PKP4: variants seen among roughly 807,000 people sequenced by gnomAD.
PKP4 encodes plakophilin-4.
Under a neutral mutation model 145.1 loss-of-function variants are expected in PKP4, and 90 were observed. That is an observed-to-expected ratio of 0.62 (90% CI 0.52 to 0.74). The LOEUF (loss-of-function observed/expected upper bound fraction) is 0.74. PKP4 is among the 30% of genes least tolerant of loss of function. PKP4 has a pLI of 0.00. For missense variants in PKP4, 1,340 were observed against 1,482.7 expected (o/e 0.90, Z 1.58); for synonymous variants, 563 against 577.2 (o/e 0.98, Z 0.35).
chr2:158,601,324 C>G (rs905616085), intron 3 of PKP4, among the ~76,000 whole-genome samples: 2 of 151,882 alleles, frequency 1.3e-5, no homozygotes, highest in Non-Finnish European at 2.9e-5. Flanking sequence ...TAAACATTTC[C>G]GGATGGCAGT....
chr2:158,528,669 G>GAA (rs59566011), intron 1 of PKP4, among the ~76,000 whole-genome samples: 27,006 of 85,668 alleles, frequency 0.32, 5,380 homozygotes, highest in East Asian at 0.63. Flanking sequence ...CTTACTAAAT[G>GAA]AAAAAAAAAA....
intron 20 of PKP4, among the ~76,000 whole-genome samples, 171 bp from the exon 21 acceptor site, chr2:158,678,410 G>A (rs2058201958): frequency 6.7e-6 from 1 of 149,508 alleles, no homozygotes; most frequent in Non-Finnish European, 1.5e-5. Context: ...GTAAGCAGCA[G>A]CCAGGCCAGA....
intron 1 of PKP4, among the ~76,000 whole-genome samples, chr2:158,482,068 A>G (rs941252400): frequency 6.6e-6 from 1 of 152,228 alleles, no homozygotes; most frequent in Non-Finnish European, 1.5e-5. Context: ...GCTGTCTAAA[A>G]TATATCCACT....
chr2:158,506,192 G>C (rs1574159624), intron 1 of PKP4, among the ~76,000 whole-genome samples: 1 of 152,162 alleles, frequency 6.6e-6, no homozygotes, highest in Non-Finnish European at 1.5e-5. Flanking sequence ...CCCTGGCTTT[G>C]AGCCTCCAGT....
At chr2:158,520,918 C>G (rs76754455) in intron 1 of PKP4, among the ~76,000 whole-genome samples, 5,695 of 152,284 alleles carry the variant, frequency 0.037, 241 homozygotes, top group African/African-American at 0.11. Context: ...AGCTTTGGTT[C>G]ATTCATTTAT....
intron 1 of PKP4, among the ~76,000 whole-genome samples, chr2:158,488,203 A>G (rs1694449075): frequency 6.6e-6 from 1 of 152,228 alleles, no homozygotes; most frequent in Admixed American, 6.5e-5. Context: ...ATTGGAGGCA[A>G]GGGGTGAAAG....
chr2:158,530,849 A>G (rs973404811), intron 1 of PKP4, among the ~76,000 whole-genome samples: 1 of 152,154 alleles, frequency 6.6e-6, no homozygotes, highest in African/African-American at 2.4e-5. Flanking sequence ...AATAGATATC[A>G]TCCATGTCTA....
intron 13 of PKP4, 37 bp from the exon 14 acceptor site, chr2:158,662,860 C>G (rs774663464): frequency 1.3e-6 from 2 of 1,548,472 alleles, no homozygotes; most frequent in Non-Finnish European, 1.7e-6. Context: ...TCTAATGTGC[C>G]GAGTTGTTTT....
At chr2:158,606,044 G>A (rs2050625921) in intron 4 of PKP4, among the ~76,000 whole-genome samples, 1 of 152,038 alleles carries the variant, frequency 6.6e-6, no homozygotes, top group Non-Finnish European at 1.5e-5. Context: ...TACTACTTTT[G>A]TCTGTTATGA....
chr2:158,568,104 G>A (rs905753184), intron 2 of PKP4, among the ~76,000 whole-genome samples: 2 of 152,154 alleles, frequency 1.3e-5, no homozygotes, highest in Non-Finnish European at 2.9e-5. Flanking sequence ...GGAGGCCGAG[G>A]CAGCAGATCA....
At chr2:158,501,807 A>G (rs944378929) in intron 1 of PKP4, among the ~76,000 whole-genome samples, 1 of 152,218 alleles carries the variant, frequency 6.6e-6, no homozygotes, top group African/African-American at 2.4e-5. Context: ...GCACATCCAC[A>G]GTATCACCAT....
Position 158,603,084 on chromosome 2 carries a change from C to A in PKP4, c.260C>A (p.Ser87Ter). The A allele has an allele frequency of 6.7e-7, 1 of 1,485,296 alleles. No homozygotes were observed. The highest frequency in any genetic ancestry group is 1.3e-5 in the South Asian group (1 of 75,010). 92.0% of individuals were successfully genotyped at this position (1,485,296 alleles called of 1,614,324 possible). ...TTTTTCTTTAGCTCAACTGAGAAGT[C>A]ATTTCCTTGGAGATCAACAGGTATG... is the stretch of plus-strand genomic sequence containing the variant. The part of the protein sequence containing the change: ...SIASTSSTEK[S>*]FPWRSTDVPN... The change falls in exon 4 of 22, where the codon TCA (serine) becomes TAA (stop). Residue 87 changes from serine (S) to a stop codon, truncating the protein, a stop_gained. Transcript: ENST00000389759. LOFTEE classifies it high-confidence loss of function.
intron 2 of PKP4, among the ~76,000 whole-genome samples, chr2:158,551,630 T>G (rs897927840): frequency 1.3e-5 from 2 of 152,216 alleles, no homozygotes; most frequent in Non-Finnish European, 2.9e-5. Context: ...TCTAAAATAT[T>G]TTTACTTTAT....
At chr2:158,557,426 A>G (rs1038707000) in intron 2 of PKP4, among the ~76,000 whole-genome samples, 7 of 152,190 alleles carry the variant, frequency 4.6e-5, no homozygotes, top group Middle Eastern at 3.2e-3. Context: ...AAGTCATTCT[A>G]TATACTGTCC....
intron 11 of PKP4, among the ~76,000 whole-genome samples, chr2:158,656,800 G>C (rs2055989043): frequency 6.6e-6 from 1 of 152,144 alleles, no homozygotes; most frequent in Non-Finnish European, 1.5e-5. Flanking sequence ...CTAGCCCTTG[G>C]CTTCTACATC....
intron 1 of PKP4, among the ~76,000 whole-genome samples, chr2:158,491,076 T>A (rs964993328): frequency 2.0e-5 from 3 of 152,214 alleles, no homozygotes; most frequent in African/African-American, 4.8e-5. Flanking sequence ...TTTAAAGATA[T>A]GTGTCCCTGG....
intron 4 of PKP4, among the ~76,000 whole-genome samples, chr2:158,610,725 GA>G (rs940038097): frequency 5.1e-4 from 77 of 151,348 alleles, no homozygotes; most frequent in Admixed American, 4.9e-3. Flanking sequence ...CTGTTTGCGA[GA>G]AAAAAAAATT....
At chr2:158,529,806 C>G (rs1055626679) in intron 1 of PKP4, among the ~76,000 whole-genome samples, 2 of 152,186 alleles carry the variant, frequency 1.3e-5, no homozygotes, top group Non-Finnish European at 2.9e-5. Flanking sequence ...TTAGAGGCAG[C>G]TCATTACTGC....
chr2:158,552,154 A>G (rs928428872), intron 2 of PKP4, among the ~76,000 whole-genome samples: 9 of 152,248 alleles, frequency 5.9e-5, no homozygotes, highest in Admixed American at 3.9e-4. Flanking sequence ...AGGTGGAGGC[A>G]GGGATTGGAG....
Sources: allele counts gnomAD v4.1 joint callset (sites outside exome capture counted in the v4.1 genomes callset), GRCh38; gene constraint gnomAD v4.1.1; transcripts MANE v1.5; gene names NCBI Gene and HGNC (gene_info 2026-07-23, HGNC 2026-07-21).